The following TFF1 variants were observed in gnomAD, a reference collection of about 807,000 sequenced individuals.
TFF1 encodes the protein breast cancer estrogen-inducible protein.
Under a neutral mutation model 7.7 loss-of-function variants are expected in TFF1, and 8 were observed. The observed-to-expected ratio is 1.04, with a 90% CI of 0.61 to 1.87. The LOEUF (loss-of-function observed/expected upper bound fraction) is 1.87, where lower values mean the gene tolerates loss of function less well. TFF1 is among the 40% of genes most tolerant of loss of function. The probability of loss-of-function intolerance (pLI) is 0.00; values close to 1 mark genes in which losing one functional copy is unlikely to be tolerated. For missense variants in TFF1, 120 were observed against 113.4 expected (o/e 1.06, Z -0.26); for synonymous variants, 47 against 44.8 (o/e 1.05, Z -0.19).
chr21:42,364,979 C>T (rs769523725), intron 1 of TFF1, among the ~76,000 whole-genome samples: 2 of 151,874 alleles, frequency 1.3e-5, no homozygotes, highest in Admixed American at 6.6e-5. Context: ...TCCTGGGGGT[C>T]GGGGGGGTTT....
At chr21:42,363,218 C>T (rs1302885303) in intron 2 of TFF1, 37 bp downstream of exon 2, 1 of 1,613,732 alleles carries the variant, frequency 6.2e-7, no homozygotes, top group Non-Finnish European at 8.5e-7. Context: ...CTAACTAATT[C>T]TAAATCTTCA....
chr21:42,364,562 G>T (rs1485277194), intron 1 of TFF1, among the ~76,000 whole-genome samples: 2 of 152,210 alleles, frequency 1.3e-5, no homozygotes, highest in Non-Finnish European at 2.9e-5. Context: ...GAGCTCCGCG[G>T]AATCAAAGGT....
intron 1 of TFF1, 29 bp from the exon 2 acceptor site, chr21:42,363,436 A>C: frequency 6.2e-7 from 1 of 1,604,522 alleles, no homozygotes; most frequent in Non-Finnish European, 8.5e-7. Context: ...GAAGCAAAGT[A>C]AGTTGTGGGC....
chr21:42,362,303 T>G lies in TFF1; in HGVS notation c.*176A>C, dbSNP rs1408421182. The G allele has an allele frequency of 7.7e-6, 5 of 650,118 alleles. No individual in the cohort carries two copies. The highest frequency in any genetic ancestry group is 1.0e-5 in the Non-Finnish European group (4 of 382,600). 40.3% of individuals were successfully genotyped at this position (650,118 alleles called of 1,614,324 possible). On this transcript the variant is annotated 3_prime_UTR_variant, in exon 3 of 3. Coordinates refer to ENST00000291527, the MANE Select transcript of TFF1 (RefSeq NM_003225.3). ...CAGATTAATATCGATCTCTTTTAAT[T>G]TTTAGGCCAATTTTGAGTAGTCAAA...
Position 42,362,465 on chromosome 21 carries a change from C to T in TFF1, c.*14G>A. 6.3e-7 allele frequency: 1 copy of T among 1,581,656 alleles called. No individual in the cohort carries two copies. Among genetic ancestry groups the T allele is most frequent in the Non-Finnish European group, 8.6e-7 (1 of 1,164,270 alleles). On this transcript the variant is annotated 3_prime_UTR_variant, in exon 3 of 3. Transcript: ENST00000291527. Reference sequence around the variant, plus strand: ...GCACCGCGTCAGGATGCAGGCAGATCCCTGCAGAAGTGTCTAAAATTCACA... The same window carrying T: ...GCACCGCGTCAGGATGCAGGCAGATTCCTGCAGAAGTGTCTAAAATTCACA...
rs375999838 is a variant in TFF1, at chr21:42,366,532, G to C, written c.-37C>G. ...TGCTCCAAAGGCGACCCCGAGTCAG[G>C]GATGAGAGGCCGCCCGAGCCCCGGA... On this transcript the variant is annotated 5_prime_UTR_variant, in exon 1 of 3. Coordinates refer to ENST00000291527, the MANE Select transcript of TFF1 (RefSeq NM_003225.3). 37 of 1,574,152 alleles carry C rather than the reference G, an allele frequency of 2.4e-5. No individual in the cohort carries two copies. Among genetic ancestry groups the C allele is most frequent in the Middle Eastern group, 1.7e-4 (1 of 5,950 alleles).
intron 1 of TFF1, 66 bp downstream of exon 1, chr21:42,366,343 CAG>C: frequency 7.8e-7 from 1 of 1,274,394 alleles, no homozygotes; most frequent in Non-Finnish European, 1.1e-6. Flanking sequence ...GTATGTAAAA[CAG>C]TGGCTCCTGG....
In TFF1 at chr21:42,364,649, C is replaced by T. The variant is rs564526123; in HGVS notation, c.86-1242G>A. Among the ~76,000 whole-genome samples the T allele has an allele frequency of 7.2e-5, 11 of 152,322 alleles. No homozygotes were observed. In the East Asian group the frequency reaches 1.5e-3, roughly 21 times the overall value. ...TGAAAGAGGAGCCCAGAGCACCCTCCGGTCCCTGTCCCTGCCTTGGGGCAT... is the reference window on the plus strand; with the variant it reads ...TGAAAGAGGAGCCCAGAGCACCCTCTGGTCCCTGTCCCTGCCTTGGGGCAT... On this transcript the variant is annotated intron_variant, in intron 1 of 2. Coordinates refer to ENST00000291527, the MANE Select transcript of TFF1 (RefSeq NM_003225.3).
At chr21:42,362,946 G>C (rs225353) in intron 2 of TFF1, among the ~76,000 whole-genome samples, 77,761 of 150,820 alleles carry the variant, frequency 0.52, 20,503 homozygotes, top group Non-Finnish European at 0.58. Context: ...TTCAGATTTC[G>C]TCATGCCTTC....
At chr21:42,366,086 A>G (rs561620082) in intron 1 of TFF1, among the ~76,000 whole-genome samples, 1 of 152,246 alleles carries the variant, frequency 6.6e-6, no homozygotes, top group East Asian at 1.9e-4. Context: ...AGTCAAAAGC[A>G]CTATTCTGAG....
intron 1 of TFF1, among the ~76,000 whole-genome samples, chr21:42,366,200 C>T (rs755670135): frequency 6.6e-6 from 1 of 152,168 alleles, no homozygotes; most frequent in Non-Finnish European, 1.5e-5. Flanking sequence ...CCCTCCTCGT[C>T]GCACTTCTCG....
At chr21:42,364,008 G>T (rs73370381) in intron 1 of TFF1, among the ~76,000 whole-genome samples, 1 of 151,792 alleles carries the variant, frequency 6.6e-6, no homozygotes, top group African/African-American at 2.4e-5. Context: ...TTGGGAGGCT[G>T]AGGCAGGAGA....
At position 42,363,301 on chromosome 21, in the gene TFF1, C is replaced by T. The variant is rs936151418; in HGVS notation, c.192G>A (p.Gly64=). Residue 64 remains glycine, a synonymous_variant, in exon 2 of 3, where the codon GGG becomes GGA. Coordinates refer to ENST00000291527, the MANE Select transcript of TFF1 (RefSeq NM_003225.3). Reference sequence around the variant, plus strand: ...TATTAGGATAGAAGCACCAGGGGACCCCACGAACGGTGTCGTCGAAACAGC... The same window carrying T: ...TATTAGGATAGAAGCACCAGGGGACTCCACGAACGGTGTCGTCGAAACAGC... ...KGCCFDDTVR[G]VPWCFYPNTI... 1.2e-6 allele frequency: 2 copies of T among 1,614,060 alleles called. No homozygotes were observed. Among genetic ancestry groups the T allele is most frequent in the African/African-American group, 1.3e-5 (1 of 74,918 alleles).
Position 42,366,452 on chromosome 21 carries a change from A to G in TFF1, c.44T>C (p.Val15Ala). ...CAGGGTGCCGAGGGCCAGCATGGACACCAGGACCAGGGCGCAGATCACCTT... is the reference window on the plus strand; with the variant it reads ...CAGGGTGCCGAGGGCCAGCATGGACGCCAGGACCAGGGCGCAGATCACCTT... ...ENKVICALVL[V>A]SMLALGTLAE... Residue 15 changes from valine to alanine, a missense_variant, in exon 1 of 3, where the codon GTG becomes GCG. Val to Ala is a moderately conservative substitution (Grantham distance 64, BLOSUM62 0). Transcript: ENST00000291527. The G allele has an allele frequency of 6.2e-7, 1 of 1,612,910 alleles. No individual in the cohort carries two copies. The highest frequency in any genetic ancestry group is 8.5e-7 in the Non-Finnish European group (1 of 1,179,194).
In TFF1 at chr21:42,363,376, C is replaced by T. The variant is rs2052255356; in HGVS notation, c.117G>A (p.Gln39=). The change falls in exon 2 of 3, where the codon CAG becomes CAA. Residue 39 remains glutamine, a synonymous_variant. Transcript: ENST00000291527. ...ETCTVAPRER[Q]NCGFPGVTPS... is the part of the protein sequence containing the mutation. ...GCGTGACACCAGGAAAACCACAATT[C>T]TGTCTTTCACGGGGGGCCACTGTAC... 1.2e-6 allele frequency: 2 copies of T among 1,614,156 alleles called. No homozygotes were observed. Among genetic ancestry groups the T allele is most frequent in the South Asian group, 2.2e-5 (2 of 91,076 alleles).
rs769316505 is a variant in TFF1 at position 42,362,487 on chromosome 21, C to T, written c.247G>A (p.Glu83Lys). 3 of 1,585,988 alleles carry T rather than the reference C, an allele frequency of 1.9e-6. No homozygotes were observed. In the East Asian group the frequency reaches 6.9e-5, roughly 37 times the overall value. ...GATCCCTGCAGAAGTGTCTAAAATT[C>T]ACACTCCTCTACAGGGGTGAGGGGG... ...TIDVPPEEEC[E>K]F Residue 83 changes from glutamate (E) to lysine (K), a missense_variant, in exon 3 of 3, where the codon GAA becomes AAA. Physicochemically the swap from Glu to Lys is moderately conservative, Grantham distance 56. Coordinates refer to ENST00000291527, the MANE Select transcript of TFF1 (RefSeq NM_003225.3).
chr21:42,363,420 A>T lies in TFF1; in HGVS notation c.86-13T>A. The T allele has an allele frequency of 6.2e-7, 1 of 1,611,902 alleles. No homozygotes were observed. Among genetic ancestry groups the T allele is most frequent in the Non-Finnish European group, 8.5e-7 (1 of 1,178,908 alleles). On this transcript the variant is annotated splice_polypyrimidine_tract_variant and intron_variant, in intron 1 of 2. Transcript: ENST00000291527. ...ACTGTACACGTCTCTGAAAGTGCAC[A>T]GGTAAGAAGCAAAGTAAGTTGTGGG... is the stretch of plus-strand genomic sequence containing the variant.
chr21:42,365,887 C>T lies in TFF1; in HGVS notation c.85+524G>A, dbSNP rs76781715. On this transcript the variant is annotated intron_variant, in intron 1 of 2. Coordinates refer to ENST00000291527, the MANE Select transcript of TFF1 (RefSeq NM_003225.3). ...GCACTCATGAGAGAGGTGGCTTTGA[C>T]TCCCAGAGCATGGATCCCAGGGGAG... Among the ~76,000 whole-genome samples the T allele has an allele frequency of 3.4e-3, 524 of 152,310 alleles. 3 individuals carry two copies. The highest frequency in any genetic ancestry group is 0.012 in the African/African-American group (505 of 41,568).
chr21:42,365,002 G>A (rs1319145385), intron 1 of TFF1, among the ~76,000 whole-genome samples: 2 of 152,144 alleles, frequency 1.3e-5, no homozygotes, highest in East Asian at 1.9e-4. Context: ...TCCTCAGGGA[G>A]GAAGATTTCC....
Sources: gnomAD v4.1 joint callset for allele counts (sites outside exome capture counted in the v4.1 genomes callset) on GRCh38, gnomAD v4.1.1 for gene constraint, MANE v1.5 for transcripts, NCBI Gene and HGNC (gene_info 2026-07-23, HGNC 2026-07-21) for gene names.